The following BCAS3 variants were observed in gnomAD, a reference collection of about 807,000 sequenced individuals.
BCAS3 encodes the protein BCAS4/BCAS3 fusion.
A neutral mutation model predicts 116.1 loss-of-function variants in BCAS3; 53 were observed. The ratio of observed to expected loss-of-function variants is 0.46; its 90% CI spans 0.37 to 0.57. The LOEUF (loss-of-function observed/expected upper bound fraction) is 0.57. Ranked by LOEUF, BCAS3 falls within the 20% of genes least tolerant of loss-of-function variation. The pLI, the probability that BCAS3 is intolerant of heterozygous loss-of-function variation, is 0.00. For synonymous variants in BCAS3, 391 were observed against 408.2 expected (o/e 0.96, Z 0.51); for missense variants, 917 against 1,165.4 (o/e 0.79, Z 3.10).
intron 22 of BCAS3, among the ~76,000 whole-genome samples, chr17:61,172,449 C>T (rs1045585700): frequency 2.0e-5 from 3 of 150,486 alleles, no homozygotes; most frequent in Non-Finnish European, 4.4e-5. Context: ...CTGGCTAACA[C>T]GGTGAAACCC....
chr17:61,231,532 A>G (rs751256952), intron 22 of BCAS3, among the ~76,000 whole-genome samples: 5 of 152,198 alleles, frequency 3.3e-5, no homozygotes, highest in South Asian at 2.1e-4. Context: ...TTCCAAATCC[A>G]TAATGCAGAA....
At position 61,355,520 on chromosome 17, in the gene BCAS3, A is replaced by G. The variant is rs1287481971; in HGVS notation, c.2426-12807A>G. On this transcript the variant is annotated intron_variant, in intron 22 of 23. Transcript: ENST00000407086. This position sits in a 1 kb window ranked among gnomAD's most constrained non-coding sequence, Gnocchi z 4.2. ...ATGGTAGTTTTAGTGGAGAAATGACAGGCTTTGGAGCCAAATGAACCTAGG... is the reference window on the plus strand; with the variant it reads ...ATGGTAGTTTTAGTGGAGAAATGACGGGCTTTGGAGCCAAATGAACCTAGG... Among the ~76,000 whole-genome samples, 12 of 152,170 alleles carry G rather than the reference A, an allele frequency of 7.9e-5. No homozygotes were observed. Among genetic ancestry groups the G allele is most frequent in the Non-Finnish European group, 1.2e-4 (8 of 68,026 alleles).
intron 6 of BCAS3, among the ~76,000 whole-genome samples, chr17:60,780,025 T>A (rs1179607357): frequency 6.6e-6 from 1 of 151,794 alleles, no homozygotes; most frequent in Non-Finnish European, 1.5e-5. Context: ...AGTCTCGCTC[T>A]GTTGCCTAGG....
rs2047726887 is a variant in BCAS3, at chr17:61,243,934, C to CA, written c.2426-124392dup. 6.6e-6 allele frequency among the ~76,000 whole-genome samples: 1 copy of CA among 152,012 alleles called. No homozygotes were observed. Among genetic ancestry groups the CA allele is most frequent in the Non-Finnish European group, 1.5e-5 (1 of 67,990 alleles). On this transcript the variant is annotated intron_variant, in intron 22 of 23. Coordinates refer to ENST00000407086, the MANE Select transcript of BCAS3 (RefSeq NM_017679.5). The surrounding 1 kb of genome is among the most constrained non-coding windows in gnomAD (Gnocchi z 5.6). Reference sequence around the variant, plus strand: ...CCAAGTAGCTGGGAATATCAGTGTGCACTACCACAACCTGCTAATTTTTTA... The same window carrying CA: ...CCAAGTAGCTGGGAATATCAGTGTGCAACTACCACAACCTGCTAATTTTTTA...
At chr17:61,001,672 G>C (rs1291332666) in intron 15 of BCAS3, among the ~76,000 whole-genome samples, 1 of 152,054 alleles carries the variant, frequency 6.6e-6, no homozygotes, top group Non-Finnish European at 1.5e-5. Context: ...CTTGTGGGGG[G>C]ATATCTTAGT....
At chr17:61,074,778 A>T (rs913179140) in intron 19 of BCAS3, 142 bp from the exon 20 acceptor site, 2 of 445,080 alleles carry the variant, frequency 4.5e-6, no homozygotes, top group Non-Finnish European at 8.0e-6. Context: ...TACTTGTTCA[A>T]TAATTGTTTG....
chr17:60,932,070 C>T (rs2059674855), intron 13 of BCAS3, among the ~76,000 whole-genome samples: 1 of 151,228 alleles, frequency 6.6e-6, no homozygotes, highest in Non-Finnish European at 1.5e-5. Flanking sequence ...AAGACCCTGT[C>T]TAAAAAAAAA....
At chr17:61,121,111 G>A (rs1239016090) in intron 22 of BCAS3, among the ~76,000 whole-genome samples, 1 of 151,518 alleles carries the variant, frequency 6.6e-6, no homozygotes, top group East Asian at 1.9e-4. Flanking sequence ...AAGGTTTCAT[G>A]GGCACTTGAA....
At chr17:61,061,752 G>A (rs962535674) in intron 19 of BCAS3, among the ~76,000 whole-genome samples, 1 of 152,132 alleles carries the variant, frequency 6.6e-6, no homozygotes, top group Non-Finnish European at 1.5e-5. Context: ...TGAGAATACC[G>A]TTGCTACTGT....
At chr17:61,290,880 A>G (rs772009742) in intron 22 of BCAS3, among the ~76,000 whole-genome samples, 1 of 152,068 alleles carries the variant, frequency 6.6e-6, no homozygotes, top group Non-Finnish European at 1.5e-5. Context: ...TCCCGGGTTC[A>G]TGCCATTCTC....
chr17:61,069,227 GAAA>G (rs1453616859), intron 19 of BCAS3, among the ~76,000 whole-genome samples: 1 of 152,136 alleles, frequency 6.6e-6, no homozygotes, highest in Non-Finnish European at 1.5e-5. Context: ...AGATTTACAG[GAAA>G]AGGGAAGAGT....
chr17:61,227,453 T>C lies in BCAS3; in HGVS notation c.2426-140874T>C, dbSNP rs1459589545. Reference sequence around the variant, plus strand: ...AAATTATAATTAAGAACAGAGGAACTCTAGGGACTGTAAGAAGTTTGAAAC... The same window carrying C: ...AAATTATAATTAAGAACAGAGGAACCCTAGGGACTGTAAGAAGTTTGAAAC... On this transcript the variant is annotated intron_variant, in intron 22 of 23. Coordinates refer to ENST00000407086, the MANE Select transcript of BCAS3 (RefSeq NM_017679.5). The surrounding 1 kb of genome is among the most constrained non-coding windows in gnomAD (Gnocchi z 6.1). 6.6e-6 allele frequency among the ~76,000 whole-genome samples: 1 copy of C among 152,216 alleles called. No homozygotes were observed. Among genetic ancestry groups the C allele is most frequent in the Non-Finnish European group, 1.5e-5 (1 of 68,032 alleles).
chr17:61,100,342 T>A (rs373453940), intron 22 of BCAS3, among the ~76,000 whole-genome samples: 40 of 152,316 alleles, frequency 2.6e-4, no homozygotes, highest in African/African-American at 8.7e-4. Flanking sequence ...CATGAGTCAG[T>A]ACCTCAAATT....
intron 22 of BCAS3, among the ~76,000 whole-genome samples, chr17:61,159,057 C>T (rs2078019061): frequency 6.6e-6 from 1 of 152,100 alleles, no homozygotes; most frequent in Non-Finnish European, 1.5e-5. Flanking sequence ...ACATTTTATC[C>T]TTTAAAGTGT....
At chr17:60,928,299 C>T (rs2059466826) in intron 13 of BCAS3, among the ~76,000 whole-genome samples, 1 of 151,908 alleles carries the variant, frequency 6.6e-6, no homozygotes, top group Non-Finnish European at 1.5e-5. Context: ...CAAGCTGGGA[C>T]CTAAAAGATT....
At chr17:60,915,626 A>G (rs547465331) in intron 12 of BCAS3, among the ~76,000 whole-genome samples, 6 of 132,494 alleles carry the variant, frequency 4.5e-5, no homozygotes, top group Non-Finnish European at 2.9e-5. Flanking sequence ...TTTTTACACT[A>G]AATATATTGT....
chr17:60,745,823 A>G (rs2041971186), intron 5 of BCAS3, among the ~76,000 whole-genome samples: 1 of 152,150 alleles, frequency 6.6e-6, no homozygotes, highest in Non-Finnish European at 1.5e-5. Context: ...AGTAATTATC[A>G]TAAGCAAAAT....
At position 61,356,241 on chromosome 17, in the gene BCAS3, G is replaced by A. The variant is rs150998216; in HGVS notation, c.2426-12086G>A. On this transcript the variant is annotated intron_variant, in intron 22 of 23. Coordinates refer to ENST00000407086, the MANE Select transcript of BCAS3 (RefSeq NM_017679.5). The surrounding 1 kb of genome is among the most constrained non-coding windows in gnomAD (Gnocchi z 5.4). Reference sequence around the variant, plus strand: ...ACTCCTGACCTCAGGTGATCCACACGCCTCGGCCTCCCAAAGTGCTGGGAT... The same window carrying A: ...ACTCCTGACCTCAGGTGATCCACACACCTCGGCCTCCCAAAGTGCTGGGAT... Among the ~76,000 whole-genome samples, 3,019 of 152,248 alleles carry A rather than the reference G, an allele frequency of 0.02. 91 individuals are homozygous for A. The highest frequency in any genetic ancestry group is 0.068 in the African/African-American group (2,833 of 41,532).
Position 61,278,519 on chromosome 17 carries a change from G to C in BCAS3, c.2426-89808G>C, listed in dbSNP as rs145265876. 3.3e-3 allele frequency among the ~76,000 whole-genome samples: 496 copies of C among 152,224 alleles called. 5 individuals are homozygous for C. Among genetic ancestry groups the C allele is most frequent in the African/African-American group, 0.011 (477 of 41,542 alleles). ...ACCTACCCAAAGGAATTGAATGCAGGAACAGGAACAGATGCTTCTGCGTTC... is the reference window on the plus strand; with the variant it reads ...ACCTACCCAAAGGAATTGAATGCAGCAACAGGAACAGATGCTTCTGCGTTC... On this transcript the variant is annotated intron_variant, in intron 22 of 23. Coordinates refer to ENST00000407086, the MANE Select transcript of BCAS3 (RefSeq NM_017679.5). The surrounding 1 kb of genome is among the most constrained non-coding windows in gnomAD (Gnocchi z 5.8).
Sources: allele counts gnomAD v4.1 joint callset (sites outside exome capture counted in the v4.1 genomes callset), GRCh38; gene constraint gnomAD v4.1.1; non-coding constraint Gnocchi (gnomAD v3.1); transcripts MANE v1.5; gene names NCBI Gene and HGNC (gene_info 2026-07-23, HGNC 2026-07-21).